PRCD: variants seen among roughly 807,000 people sequenced by gnomAD.
PRCD encodes the protein photoreceptor disc component.
In PRCD, 12 loss-of-function variants were observed where a neutral mutation model predicts 10.1. That is an observed-to-expected ratio of 1.18 (90% CI 0.76 to 1.92). PRCD has a LOEUF of 1.92. Ranked by LOEUF, PRCD falls within the 40% of genes most tolerant of loss-of-function variation. PRCD has a pLI of 0.00. For missense variants in PRCD, 61 were observed against 72.2 expected (o/e 0.84, Z 0.56); for synonymous variants, 31 against 26.2 (o/e 1.18, Z -0.56).
At position 76,528,178 on chromosome 17, in the gene PRCD, A is replaced by G. The variant is rs1325657677; in HGVS notation, n.45+345A>G. On this transcript the variant is annotated intron_variant and non_coding_transcript_variant, in intron 1 of 4. Transcript: ENST00000397633. This position sits in a 1 kb window ranked among gnomAD's most constrained non-coding sequence, Gnocchi z 5.8. The stretch of plus-strand genomic sequence containing the variant: ...GCTCGTATATAGAATATATCTGTAT[A>G]TATGGTAGATGTGTGCGTGATACTC... The G allele has an allele frequency of 5.1e-6, 2 of 396,036 alleles. No homozygotes were observed. The highest frequency in any genetic ancestry group is 7.2e-5 in the East Asian group (2 of 27,896). 24.5% of individuals were successfully genotyped at this position (396,036 alleles called of 1,614,324 possible).
Position 76,540,989 on chromosome 17 carries a change from T to C in PRCD, c.143+416T>C, listed in dbSNP as rs1180840723. ...TGCCTGAGCCTCCAGCAGGATTCGC[T>C]GTCCAGTCCCCAATAGAAGGCGCGG... On this transcript the variant is annotated intron_variant, in intron 2 of 4. Coordinates refer to ENST00000592014, the MANE Select transcript of PRCD (RefSeq NM_001077620.3). The surrounding 1 kb of genome is among the most constrained non-coding windows in gnomAD (Gnocchi z 5.0). 6.6e-6 allele frequency among the ~76,000 whole-genome samples: 1 copy of C among 152,216 alleles called. No individual in the cohort carries two copies.
rs1382231574 is a variant in PRCD, at chr17:76,543,789, T to A, written c.*153-14T>A. ...ACAGTGGCACTCGCTTTTGTGTCAT[T>A]TGCCTTTCCCCAGTTCCCAGAGCTC... On this transcript the variant is annotated splice_polypyrimidine_tract_variant and intron_variant, in intron 4 of 4. Transcript: ENST00000592014. The A allele has an allele frequency of 8.5e-6, 4 of 470,784 alleles. No homozygotes were observed. In the East Asian group the frequency reaches 2.8e-4, roughly 33 times the overall value. 29.2% of individuals were successfully genotyped at this position (470,784 alleles called of 1,614,324 possible).
downstream of PRCD, chr17:76,545,902 G>A (rs1244966295): frequency 4.3e-5 from 7 of 162,354 alleles, no homozygotes; most frequent in Middle Eastern, 3.0e-3. Flanking sequence ...ACAGAGCTGG[G>A]CGACCGGTAG....
chr17:76,536,306 A>T (rs2074913214), upstream of PRCD, among the ~76,000 whole-genome samples: 2 of 152,182 alleles, frequency 1.3e-5, no homozygotes, highest in Non-Finnish European at 2.9e-5. Context: ...GGCCACAGGG[A>T]GAAGAAGCTG....
At chr17:76,542,692 C>A in intron 3 of PRCD, 59 bp downstream of exon 3, 1 of 1,128,720 alleles carries the variant, frequency 8.9e-7, no homozygotes, top group Non-Finnish European at 1.3e-6. Context: ...AGGCAGGAAG[C>A]AACAGGCAAG....
At chr17:76,534,146 T>TTCTCTCTCTCTCTCTCTCTCTCTCTCTC (rs71158013) in intron 1 of PRCD, among the ~76,000 whole-genome samples, 13 of 129,010 alleles carry the variant, frequency 1.0e-4, no homozygotes, top group South Asian at 2.8e-4. Context: ...CTCTTTCTCT[T>TTCTCTCTCTCTCTCTCTCTCTCTCTCTC]TCTCTCTCTC....
chr17:76,537,304 G>T, upstream of PRCD: 2 of 1,334,688 alleles, frequency 1.5e-6, no homozygotes, highest in Non-Finnish European at 1.9e-6. Context: ...GGCTGGGGAG[G>T]TGGCGCTGGA....
upstream of PRCD, chr17:76,538,460 G>C (rs1239765950): frequency 4.3e-6 from 2 of 460,750 alleles, no homozygotes; most frequent in Non-Finnish European, 9.0e-6. Flanking sequence ...GCACGAACGC[G>C]GCGGCGGCGG....
chr17:76,535,012 A>C (rs899638939), intron 1 of PRCD, among the ~76,000 whole-genome samples: 1 of 152,240 alleles, frequency 6.6e-6, no homozygotes, highest in African/African-American at 2.4e-5. Flanking sequence ...CTGGGCTTCC[A>C]AGAGAGCCTG....
At chr17:76,532,689 G>A (rs1006159992) in intron 1 of PRCD, among the ~76,000 whole-genome samples, 3 of 151,904 alleles carry the variant, frequency 2.0e-5, no homozygotes, top group Admixed American at 1.3e-4. Context: ...CCATCACCAC[G>A]CCCGGCTAGC....
At chr17:76,542,484 A>T in intron 2 of PRCD, 69 bp from the exon 3 acceptor site, 1 of 1,574,918 alleles carries the variant, frequency 6.3e-7, no homozygotes, top group East Asian at 2.2e-5. Context: ...GAGGAGGAGG[A>T]AGAGGAGAGT....
chr17:76,534,310 C>G (rs1165585192), intron 1 of PRCD, among the ~76,000 whole-genome samples: 2 of 152,086 alleles, frequency 1.3e-5, no homozygotes, highest in Non-Finnish European at 2.9e-5. Context: ...ACAAAGTTAG[C>G]TGGGATTACA....
intron 4 of PRCD, chr17:76,543,357 C>G: frequency 2.9e-6 from 1 of 340,094 alleles, no homozygotes. Context: ...GGGCAGCCAG[C>G]AGCCCAGGCA....
At position 76,528,618 on chromosome 17, in the gene PRCD, A is replaced by G. The variant is rs2074794949; in HGVS notation, n.45+785A>G. ...GGGCAGTGTGGCCGGTGGGCTGTGG[A>G]CGAGATAGGAAGGGAAGGACAAACG... On this transcript the variant is annotated intron_variant and non_coding_transcript_variant, in intron 1 of 4. Coordinates refer to the PRCD transcript ENST00000397633. This position sits in a 1 kb window ranked among gnomAD's most constrained non-coding sequence, Gnocchi z 5.8. 3 of 1,275,222 alleles carry G rather than the reference A, an allele frequency of 2.4e-6. No homozygotes were observed. In the African/African-American group the frequency reaches 4.6e-5, roughly 20 times the overall value. 79.0% of individuals were successfully genotyped at this position (1,275,222 alleles called of 1,614,324 possible). A position where few individuals can be genotyped will look rare whatever the true frequency, so the allele number is the denominator to read the frequency against.
chr17:76,528,635 G>C lies in PRCD; in HGVS notation n.45+802G>C. 7.9e-7 allele frequency: 1 copy of C among 1,271,516 alleles called. No individual in the cohort carries two copies. The highest frequency in any genetic ancestry group is 1.0e-6 in the Non-Finnish European group (1 of 1,000,170). The allele number at this position is 1,271,516 out of a possible 1,614,324, so 78.8% of individuals were successfully genotyped here. A position where few individuals can be genotyped will look rare whatever the true frequency, so the allele number is the denominator to read the frequency against. On this transcript the variant is annotated intron_variant and non_coding_transcript_variant, in intron 1 of 4. Coordinates refer to the PRCD transcript ENST00000397633. The surrounding 1 kb of genome is among the most constrained non-coding windows in gnomAD (Gnocchi z 5.8). ...GGCTGTGGACGAGATAGGAAGGGAAGGACAAACGTTACCAGAGGCAGGGAA... is the reference window on the plus strand; with the variant it reads ...GGCTGTGGACGAGATAGGAAGGGAACGACAAACGTTACCAGAGGCAGGGAA...
At chr17:76,543,755 CG>C in intron 4 of PRCD, 47 bp from the exon 5 acceptor site, 1 of 469,910 alleles carries the variant, frequency 2.1e-6, no homozygotes, top group Non-Finnish European at 4.4e-6. Flanking sequence ...GTGCTGGTGT[CG>C]GTTTGCCACA....
intron 1 of PRCD, chr17:76,552,987 T>A (rs1334535075): frequency 6.0e-5 from 9 of 150,712 alleles, no homozygotes; most frequent in Non-Finnish European, 7.4e-5. Flanking sequence ...ATGAAATGTA[T>A]AAATGTGTCT....
upstream of PRCD, among the ~76,000 whole-genome samples, chr17:76,538,987 C>T (rs2074955588): frequency 6.6e-6 from 1 of 152,254 alleles, no homozygotes; most frequent in African/African-American, 2.4e-5. Context: ...CTCACCCTGG[C>T]CAGCCTCAGC....
At position 76,540,588 on chromosome 17, in the gene PRCD, T is replaced by C. The variant is rs770202626; in HGVS notation, c.143+15T>C. ...TCCTCAGGCAGGTAAGGCAGGAGTC[T>C]GGGCTGGGGGAGGGAGGGTGCTGCC... On this transcript the variant is annotated intron_variant, in intron 2 of 4. Coordinates refer to ENST00000592014, the MANE Select transcript of PRCD (RefSeq NM_001077620.3). This position sits in a 1 kb window ranked among gnomAD's most constrained non-coding sequence, Gnocchi z 5.0. 1.9e-6 allele frequency: 3 copies of C among 1,612,380 alleles called. No homozygotes were observed. The South Asian group carries it at 3.3e-5, about 18-fold the overall frequency.
Sources: allele counts gnomAD v4.1 joint callset (sites outside exome capture counted in the v4.1 genomes callset), GRCh38; gene constraint gnomAD v4.1.1; non-coding constraint Gnocchi (gnomAD v3.1); transcripts MANE v1.5; gene names NCBI Gene and HGNC (gene_info 2026-07-23, HGNC 2026-07-21).